The following AGO2 variants were observed in gnomAD, a reference collection of about 807,000 sequenced individuals.
AGO2 encodes protein argonaute-2.
Under a neutral mutation model 102.3 loss-of-function variants are expected in AGO2, and 5 were observed. The ratio of observed to expected loss-of-function variants is 0.05; its 90% CI spans 0.03 to 0.10. AGO2 has a LOEUF of 0.10. Ranked by LOEUF, AGO2 falls within the 10% of genes least tolerant of loss-of-function variation. AGO2 has a pLI of 1.00. For synonymous variants in AGO2, 449 were observed against 473.1 expected, an observed-to-expected ratio of 0.95 and a Z score of 0.66; for missense variants, 541 against 1,183.7, an observed-to-expected ratio of 0.46 and a Z score of 7.97.
chr8:140,576,652 C>G (rs569218713), intron 2 of AGO2, among the ~76,000 whole-genome samples: 8 of 152,312 alleles, frequency 5.3e-5, no homozygotes, highest in African/African-American at 1.9e-4. Flanking sequence ...ATGCTCTCTT[C>G]TACGAGGCTG....
chr8:140,547,184 T>C (rs981156793), intron 13 of AGO2, among the ~76,000 whole-genome samples: 5 of 152,164 alleles, frequency 3.3e-5, no homozygotes, highest in Non-Finnish European at 7.4e-5. Flanking sequence ...CTCCTGGCCA[T>C]CCAAGGCATG....
chr8:140,555,791 G>T, intron 10 of AGO2, 105 bp downstream of exon 10: 1 of 1,434,992 alleles, frequency 7.0e-7, no homozygotes, highest in Non-Finnish European at 9.2e-7. Flanking sequence ...GGATTCTCCT[G>T]CATGGAACAC....
chr8:140,551,827 C>T (rs1286501615), intron 10 of AGO2, among the ~76,000 whole-genome samples: 1 of 136,646 alleles, frequency 7.3e-6, no homozygotes, highest in African/African-American at 2.8e-5. Flanking sequence ...GGGTGGATGG[C>T]TGATGGGTGC....
rs955846055 is a variant in AGO2, at chr8:140,524,340, G to A, written c.*7704C>T. On this transcript the variant is annotated 3_prime_UTR_variant, in exon 19 of 19. Transcript: ENST00000220592. ...GGTCATGGTCAATGCATAAGAGATG[G>A]GTCTTGCACCAATCTCCTGCAATCC... The A allele has an allele frequency of 2.6e-5, 4 of 152,196 alleles. No individual in the cohort carries two copies. The highest frequency in any genetic ancestry group is 5.9e-5 in the Non-Finnish European group (4 of 68,054). The allele number at this position is 152,196 out of a possible 1,614,324, so 9.4% of individuals were successfully genotyped here. A position where few individuals can be genotyped will look rare whatever the true frequency, so the allele number is the denominator to read the frequency against.
In AGO2 at chr8:140,532,633, A is replaced by G. The variant is rs1588431901; in HGVS notation, c.2272-18T>C. On this transcript the variant is annotated intron_variant, in intron 17 of 18. Transcript: ENST00000220592. ...CTTGTCCCCTAAAGCAGATCAGAAGATTAGACAGTTGGACTCGCATAAAAT... is the reference window on the plus strand; with the variant it reads ...CTTGTCCCCTAAAGCAGATCAGAAGGTTAGACAGTTGGACTCGCATAAAAT... The G allele has an allele frequency of 6.2e-7, 1 of 1,612,206 alleles. No individual in the cohort carries two copies. Among genetic ancestry groups the G allele is most frequent in the Non-Finnish European group, 8.5e-7 (1 of 1,178,384 alleles).
chr8:140,547,699 C>G, intron 12 of AGO2, 72 bp from the exon 13 acceptor site: 1 of 1,544,702 alleles, frequency 6.5e-7, no homozygotes, highest in Non-Finnish European at 8.7e-7. Context: ...GCAGCAGCTG[C>G]CACCAGCCCT....
intron 1 of AGO2, among the ~76,000 whole-genome samples, chr8:140,596,245 G>T (rs1331030128): frequency 6.6e-6 from 1 of 151,910 alleles, no homozygotes; most frequent in Non-Finnish European, 1.5e-5. Flanking sequence ...GATGAATATT[G>T]GATACATCAT....
intron 1 of AGO2, chr8:140,626,639 G>C (rs962090118): frequency 3.3e-5 from 5 of 152,332 alleles, no homozygotes; most frequent in Admixed American, 1.3e-4. Context: ...ATTCCAGTGA[G>C]GTGGGCCTGA....
chr8:140,552,748 A>G (rs200872213), intron 10 of AGO2, among the ~76,000 whole-genome samples: 6,584 of 31,254 alleles, frequency 0.21, 199 homozygotes, highest in Admixed American at 0.33. Flanking sequence ...GCGCACACAC[A>G]CACACACACA....
At chr8:140,598,687 T>C (rs62529976) in intron 1 of AGO2, among the ~76,000 whole-genome samples, 11,873 of 152,290 alleles carry the variant, frequency 0.078, 626 homozygotes, top group Non-Finnish European at 0.12. Flanking sequence ...TCTGGGACTC[T>C]GGCCTGCTGC....
intron 13 of AGO2, 106 bp downstream of exon 13, chr8:140,547,349 CGGTGCTGGGCCCA>C (rs545161735): frequency 0.013 from 16,450 of 1,291,784 alleles, 133 homozygotes; most frequent in Non-Finnish European, 0.016. Context: ...GTGGCCAGGA[CGGTGCTGGGCCCA>C]GGTGAAGGGA....
chr8:140,566,670 C>G (rs1588463793), intron 3 of AGO2, among the ~76,000 whole-genome samples: 1 of 146,550 alleles, frequency 6.8e-6, no homozygotes. Flanking sequence ...TCTGGAGGGG[C>G]TGACTGAGGC....
At chr8:140,640,678 C>A in the AGO2 span, among the ~76,000 whole-genome samples, 3 of 152,164 alleles carry the variant, frequency 2.0e-5, no homozygotes, top group Non-Finnish European at 2.9e-5. Context: ...CGCCACCATG[C>A]CCAGCTAATT....
rs989553444 is a variant in AGO2 at position 140,524,547 on chromosome 8, A to G, written c.*7497T>C. 6 of 152,254 alleles carry G rather than the reference A, an allele frequency of 3.9e-5. No homozygotes were observed. Among genetic ancestry groups the G allele is most frequent in the African/African-American group, 1.4e-4 (6 of 41,458 alleles). The allele number at this position is 152,254 out of a possible 1,614,324, so 9.4% of individuals were successfully genotyped here. On this transcript the variant is annotated 3_prime_UTR_variant, in exon 19 of 19. Transcript: ENST00000220592. ...CTGGAGGTCCACGCCTGCCTTGTGG[A>G]ATGGCACAGGCTTAGTTCCCCAGAG... is the stretch of plus-strand genomic sequence containing the variant.
Position 140,547,481 on chromosome 8 carries a change from G to C in AGO2, c.1735C>G (p.Leu579Val), listed in dbSNP as rs1317846851. ...VKLGGVNNIL[L>V]PQGRPPVFQQ... Reference sequence around the variant, plus strand: ...GCCGGGCCTCACCTGCCCTGGGGCAGCAGGATGTTGTTCACGCCTCCCAGC... The same window carrying C: ...GCCGGGCCTCACCTGCCCTGGGGCACCAGGATGTTGTTCACGCCTCCCAGC... Residue 579 changes from leucine to valine, a missense_variant, in exon 13 of 19, where the codon CTG (leucine) becomes GTG (valine). Physicochemically the swap from Leu to Val is conservative, Grantham distance 32 (BLOSUM62 1). Around this residue, in one of 6 missense-constraint regions of AGO2, gnomAD observed 309 missense variants for 735.1 expected, o/e 0.42. Coordinates refer to ENST00000220592, the MANE Select transcript of AGO2 (RefSeq NM_012154.5). The C allele has an allele frequency of 6.2e-6, 10 of 1,613,910 alleles. No individual in the cohort carries two copies. Among genetic ancestry groups the C allele is most frequent in the Non-Finnish European group, 8.5e-6 (10 of 1,179,934 alleles).
chr8:140,612,439 G>A (rs1363302080), intron 1 of AGO2, among the ~76,000 whole-genome samples: 1 of 151,978 alleles, frequency 6.6e-6, no homozygotes. Context: ...CTACAGCTGC[G>A]GATTCTACAC....
chr8:140,595,865 A>T lies in AGO2; in HGVS notation c.23-10554T>A, dbSNP rs1354362784. ...TATATATTATATTTATATTATATACAATTGTATATTATATAATATATAATT... is the reference window on the plus strand; with the variant it reads ...TATATATTATATTTATATTATATACTATTGTATATTATATAATATATAATT... On this transcript the variant is annotated intron_variant, in intron 1 of 18. Coordinates refer to ENST00000220592, the MANE Select transcript of AGO2 (RefSeq NM_012154.5). 1.0e-3 allele frequency among the ~76,000 whole-genome samples: 55 copies of T among 54,212 alleles called. 11 individuals are homozygous for T. The highest frequency in any genetic ancestry group is 6.3e-3 in the African/African-American group (52 of 8,306). 35.6% of individuals were successfully genotyped at this position (54,212 alleles called of 152,430 possible). A position where few individuals can be genotyped will look rare whatever the true frequency, so the allele number is the denominator to read the frequency against.
chr8:140,542,137 C>T (rs576401130), intron 14 of AGO2, among the ~76,000 whole-genome samples: 17 of 152,216 alleles, frequency 1.1e-4, no homozygotes, highest in Middle Eastern at 3.4e-3. Flanking sequence ...CACGGCTCTG[C>T]GGTTCTCTGT....
intron 1 of AGO2, among the ~76,000 whole-genome samples, chr8:140,613,853 AAC>A (rs1273264925): frequency 8.4e-6 from 1 of 118,772 alleles, no homozygotes; most frequent in Non-Finnish European, 1.9e-5. Flanking sequence ...TCGTCTCCAC[AAC>A]AAAAATTTTT....
Sources: gnomAD v4.1 joint callset for allele counts (sites outside exome capture counted in the v4.1 genomes callset) on GRCh38, gnomAD v4.1.1 for gene constraint, gnomAD v4.1.1 regional missense constraint, MANE v1.5 for transcripts, NCBI Gene and HGNC (gene_info 2026-07-23, HGNC 2026-07-21) for gene names.